PHLPP1: variants seen among roughly 807,000 people sequenced by gnomAD.
PHLPP1 encodes the protein PH domain leucine-rich repeat-containing protein phosphatase 1.
Under a neutral mutation model 117.2 loss-of-function variants are expected in PHLPP1, and 42 were observed. That is an observed-to-expected ratio of 0.36 (90% confidence interval 0.28 to 0.46). The LOEUF is 0.46. Ranked by LOEUF, PHLPP1 falls within the 20% of genes least tolerant of loss-of-function variation. The pLI is 1.00. For synonymous variants in PHLPP1, 1,042 were observed against 970.7 expected, an observed-to-expected ratio of 1.07 and a Z score of -1.37; for missense variants, 2,084 against 2,241.9, an observed-to-expected ratio of 0.93 and a Z score of 1.42.
intron 12 of PHLPP1, among the ~76,000 whole-genome samples, chr18:62,947,800 G>T (rs768119805): frequency 7.2e-5 from 11 of 152,160 alleles, no homozygotes; most frequent in Non-Finnish European, 1.3e-4. Context: ...GGCTGAGGCA[G>T]GTGGATCATG....
At position 62,860,435 on chromosome 18, in the gene PHLPP1, G is replaced by A. The variant is rs570768670; in HGVS notation, c.1900G>A (p.Val634Ile). The A allele has an allele frequency of 2.1e-5, 34 of 1,613,492 alleles. 1 individual carries two copies. In the South Asian group the frequency reaches 3.3e-4, roughly 16 times the overall value. ...AAAATTAAGTTTTATCCCCCTTTAG[G>A]TTGCATCCCAGCGCATTAGCTCAGT... ...YLRWLRQVSK[V>I]ASQRISSVDL... The change falls in exon 4 of 17, where the codon GTT becomes ATT. Residue 634 changes from valine to isoleucine, a missense_variant and splice_region_variant. Val to Ile is a conservative substitution (Grantham distance 29). Coordinates refer to ENST00000262719, the MANE Select transcript of PHLPP1 (RefSeq NM_194449.4).
In PHLPP1 at chr18:62,715,679, C is replaced by G; in HGVS notation, c.-5C>G. ...GCTGGGGGGGAAACGCGAAGCCCCA[C>G]TGCAATGGAGCCCGCCGCCGCGGCC... is the stretch of plus-strand genomic sequence containing the variant. On this transcript the variant is annotated 5_prime_UTR_variant, in exon 1 of 17. Coordinates refer to ENST00000262719, the MANE Select transcript of PHLPP1 (RefSeq NM_194449.4). 1.6e-6 allele frequency: 2 copies of G among 1,288,314 alleles called. No homozygotes were observed. The highest frequency in any genetic ancestry group is 2.0e-6 in the Non-Finnish European group (2 of 1,016,054). 79.8% of individuals were successfully genotyped at this position (1,288,314 alleles called of 1,614,324 possible).
intron 10 of PHLPP1, 92 bp downstream of exon 10, chr18:62,920,206 CTGAG>C: frequency 8.4e-7 from 1 of 1,189,172 alleles, no homozygotes; most frequent in Non-Finnish European, 1.2e-6. Context: ...TATAAACTTT[CTGAG>C]TATGTATCTG....
chr18:62,716,013 C>T lies in PHLPP1; in HGVS notation c.330C>T (p.Pro110=). ...TTGCCGGCGGGGCTGCCCCCGTACCCGGGGCCGGCGGCGGCGCCAACTCCC... is the reference window on the plus strand; with the variant it reads ...TTGCCGGCGGGGCTGCCCCCGTACCTGGGGCCGGCGGCGGCGCCAACTCCC... ...QPIAGGAAPV[P]GAGGGANSLL... The change falls in exon 1 of 17, where the codon CCC becomes CCT. Residue 110 remains proline, a synonymous_variant. Coordinates refer to ENST00000262719, the MANE Select transcript of PHLPP1 (RefSeq NM_194449.4). The surrounding 1 kb of genome is among the most constrained non-coding windows in gnomAD (Gnocchi z 5.7). 1 of 1,384,748 alleles carries T rather than the reference C, an allele frequency of 7.2e-7. No individual in the cohort carries two copies. 85.8% of individuals were successfully genotyped at this position (1,384,748 alleles called of 1,614,324 possible).
At position 62,741,820 on chromosome 18, in the gene PHLPP1, C is replaced by A. The variant is rs141917775; in HGVS notation, c.1576+24561C>A. ...AATAGGGAAACAGTGTGTTTGAAAG[C>A]CCTGAGGTAGGAAGCCCGGCAAGTT... On this transcript the variant is annotated intron_variant, in intron 1 of 16. Coordinates refer to ENST00000262719, the MANE Select transcript of PHLPP1 (RefSeq NM_194449.4). Among the ~76,000 whole-genome samples the A allele has an allele frequency of 5.9e-3, 896 of 151,196 alleles. 8 individuals carry two copies. The highest frequency in any genetic ancestry group is 8.7e-3 in the Non-Finnish European group (588 of 67,820).
At chr18:62,719,356 T>C (rs1910848946) in intron 1 of PHLPP1, among the ~76,000 whole-genome samples, 2 of 152,248 alleles carry the variant, frequency 1.3e-5, no homozygotes, top group South Asian at 4.1e-4. Context: ...TCTGCTGTTA[T>C]TCATTTGCAG....
At chr18:62,845,370 G>A (rs754727861) in intron 3 of PHLPP1, among the ~76,000 whole-genome samples, 6 of 152,100 alleles carry the variant, frequency 3.9e-5, no homozygotes, top group Non-Finnish European at 7.4e-5. Flanking sequence ...CCCTAAACAT[G>A]CACAGTGTAG....
chr18:62,763,759 C>G (rs1912342441), intron 1 of PHLPP1, among the ~76,000 whole-genome samples: 1 of 152,126 alleles, frequency 6.6e-6, no homozygotes, highest in Non-Finnish European at 1.5e-5. Flanking sequence ...GACATCATAC[C>G]TCTGTCTTCG....
chr18:62,855,402 G>A (rs956443496), intron 3 of PHLPP1, among the ~76,000 whole-genome samples: 2 of 152,262 alleles, frequency 1.3e-5, no homozygotes, highest in Admixed American at 6.5e-5. Flanking sequence ...TACCTTCTAA[G>A]TAGAGTGCTT....
At chr18:62,775,659 T>C (rs1384236788) in intron 1 of PHLPP1, among the ~76,000 whole-genome samples, 1 of 152,214 alleles carries the variant, frequency 6.6e-6, no homozygotes, top group East Asian at 1.9e-4. Flanking sequence ...AATGACACTA[T>C]CATTCACCTA....
intron 6 of PHLPP1, among the ~76,000 whole-genome samples, chr18:62,900,360 C>A: frequency 6.8e-6 from 1 of 147,522 alleles, no homozygotes; most frequent in African/African-American, 2.5e-5. Flanking sequence ...AAAAGTTTGT[C>A]CTAGTTACAT....
At chr18:62,897,754 G>T (rs552789502) in intron 6 of PHLPP1, among the ~76,000 whole-genome samples, 1 of 152,196 alleles carries the variant, frequency 6.6e-6, no homozygotes, top group Admixed American at 6.5e-5. Context: ...TGATCCACCT[G>T]CCTCGACCTC....
At chr18:62,805,210 T>C (rs929146316) in intron 1 of PHLPP1, among the ~76,000 whole-genome samples, 1 of 142,314 alleles carries the variant, frequency 7.0e-6, no homozygotes, top group Non-Finnish European at 1.5e-5. Flanking sequence ...GTTATACATA[T>C]ACAGTATAAT....
At position 62,979,356 on chromosome 18, in the gene PHLPP1, C is replaced by A. The variant is rs1157162152; in HGVS notation, c.5079C>A (p.Pro1693=). Reference sequence around the variant, plus strand: ...AGCAGCAGCAGCAGCCGCCACCACCCCCTCAGCTCCAGCCGCAGCTGCCGC... The same window carrying A: ...AGCAGCAGCAGCAGCCGCCACCACCACCTCAGCTCCAGCCGCAGCTGCCGC... ...EQQQQQQPPP[P]PQLQPQLPRH... is the part of the protein sequence containing the mutation. Residue 1693 remains proline (P), a synonymous_variant, in exon 17 of 17, where the codon CCC becomes CCA. Coordinates refer to ENST00000262719, the MANE Select transcript of PHLPP1 (RefSeq NM_194449.4). 6.5e-7 allele frequency: 1 copy of A among 1,547,452 alleles called. No individual in the cohort carries two copies. The highest frequency in any genetic ancestry group is 1.2e-5 in the South Asian group (1 of 84,026).
intron 10 of PHLPP1, among the ~76,000 whole-genome samples, chr18:62,923,342 C>CA (rs1354583165): frequency 6.6e-6 from 1 of 151,916 alleles, no homozygotes; most frequent in Non-Finnish European, 1.5e-5. Flanking sequence ...AACAAATGAC[C>CA]AAAAAATGGG....
In PHLPP1 at chr18:62,839,289, A is replaced by G. The variant is rs144538925; in HGVS notation, c.1899+380A>G. On this transcript the variant is annotated intron_variant, in intron 3 of 16. Transcript: ENST00000262719. Reference sequence around the variant, plus strand: ...CCCTTCTTTCTCTGACTGTTTTTTCATATAAATAGTCTAATATTATACCAT... The same window carrying G: ...CCCTTCTTTCTCTGACTGTTTTTTCGTATAAATAGTCTAATATTATACCAT... 3.5e-4 allele frequency: 64 copies of G among 181,934 alleles called. 1 individual carries two copies. The East Asian group carries it at 9.0e-3, about 26-fold the overall frequency. 11.3% of individuals were successfully genotyped at this position (181,934 alleles called of 1,614,324 possible).
intron 1 of PHLPP1, among the ~76,000 whole-genome samples, chr18:62,746,454 G>A (rs1274369312): frequency 6.6e-6 from 1 of 152,138 alleles, no homozygotes; most frequent in Admixed American, 6.5e-5. Context: ...TTCCTTTTCT[G>A]CGTGTTGCCT....
Position 62,716,678 on chromosome 18 carries a change from G to T in PHLPP1, c.995G>T (p.Gly332Val). The T allele has an allele frequency of 6.8e-7, 1 of 1,463,396 alleles. No homozygotes were observed. Among genetic ancestry groups the T allele is most frequent in the East Asian group, 2.9e-5 (1 of 34,346 alleles). The allele number at this position is 1,463,396 out of a possible 1,614,324, so 90.7% of individuals were successfully genotyped here. ...DSSPGEPFVG[G>V]PVSSPRAPRP... The stretch of plus-strand genomic sequence containing the variant: ...AGCCCCGGCGAGCCGTTCGTTGGGG[G>T]CCCTGTCTCTTCGCCCCGCGCCCCA... The change falls in exon 1 of 17, where the codon GGC becomes GTC. Residue 332 changes from glycine (G) to valine (V), a missense_variant. Gly to Val is a moderately radical substitution (Grantham distance 109, BLOSUM62 -3). Coordinates refer to ENST00000262719, the MANE Select transcript of PHLPP1 (RefSeq NM_194449.4). This position sits in a 1 kb window ranked among gnomAD's most constrained non-coding sequence, Gnocchi z 5.7.
rs1011875658 is a variant in PHLPP1, at chr18:62,958,656, A to C, written c.3352A>C (p.Ser1118Arg). 9.3e-6 allele frequency: 15 copies of C among 1,613,908 alleles called. No individual in the cohort carries two copies. Among genetic ancestry groups the C allele is most frequent in the Non-Finnish European group, 1.3e-5 (15 of 1,179,812 alleles). ...TGTGGACCTGAGCTGTAATGAGCTA[A>C]GTGAAGTCACATTACCAGAAAACCT... ...KCVDLSCNEL[S>R]EVTLPENLPP... is the part of the protein sequence containing the mutation. Residue 1118 changes from serine to arginine, a missense_variant, in exon 13 of 17, where the codon AGT (serine) becomes CGT (arginine). This residue lies in a region of PHLPP1 where 1,365 missense variants were observed against 1,605.9 expected (regional missense o/e 0.85). Coordinates refer to ENST00000262719, the MANE Select transcript of PHLPP1 (RefSeq NM_194449.4).
Sources: gnomAD v4.1 joint callset for allele counts (sites outside exome capture counted in the v4.1 genomes callset) on GRCh38, gnomAD v4.1.1 for gene constraint, gnomAD v4.1.1 regional missense constraint, Gnocchi (gnomAD v3.1) non-coding constraint, MANE v1.5 for transcripts, NCBI Gene and HGNC (gene_info 2026-07-23, HGNC 2026-07-21) for gene names.